The following KIAA0753 variants were observed in gnomAD, a reference collection of about 807,000 sequenced individuals.
KIAA0753 encodes protein moonraker.
KIAA0753 carries 114 observed loss-of-function variants against 116.9 expected under a neutral mutation model. The ratio of observed to expected loss-of-function variants is 0.98; its 90% confidence interval spans 0.84 to 1.14. The LOEUF (loss-of-function observed/expected upper bound fraction) is 1.14, where lower values mean the gene tolerates loss of function less well. Ranked by LOEUF, KIAA0753 falls within the 50% of genes most tolerant of loss-of-function variation. KIAA0753 has a pLI of 0.00. For synonymous variants in KIAA0753, 405 were observed against 413.1 expected (o/e 0.98, Z 0.24); for missense variants, 1,156 against 1,172.4 (o/e 0.99, Z 0.20).
chr17:6,627,172 T>C (rs753182224), intron 3 of KIAA0753, among the ~76,000 whole-genome samples: 5 of 152,236 alleles, frequency 3.3e-5, no homozygotes, highest in Non-Finnish European at 7.3e-5. Context: ...TCCAAGTGAT[T>C]TGACGTTCCC....
At position 6,639,538 on chromosome 17, in the gene KIAA0753, C is replaced by G. The variant is rs143314738; in HGVS notation, c.-69+1099G>C. 3,136 of 152,950 alleles carry G rather than the reference C, an allele frequency of 0.021. 103 individuals are homozygous for G. The highest frequency in any genetic ancestry group is 0.07 in the African/African-American group (2,914 of 41,526). 9.5% of individuals were successfully genotyped at this position (152,950 alleles called of 1,614,324 possible). A position where few individuals can be genotyped will look rare whatever the true frequency, so the allele number is the denominator to read the frequency against. On this transcript the variant is annotated intron_variant, in intron 1 of 18. Coordinates refer to ENST00000361413, the MANE Select transcript of KIAA0753 (RefSeq NM_014804.3). The surrounding 1 kb of genome is among the most constrained non-coding windows in gnomAD (Gnocchi z 4.3). ...CCCAGGCACACTCGCAGGAGGCACC[C>G]TCCCAGCCTGTCCCTGTCCACAGAA...
intron 16 of KIAA0753, among the ~76,000 whole-genome samples, chr17:6,591,040 G>GGAAGAAGGAAGAA (rs1567540520): frequency 8.0e-5 from 8 of 99,990 alleles, no homozygotes; most frequent in Non-Finnish European, 1.7e-4. Context: ...GAAGGAAGAA[G>GGAAGAAGGAAGAA]GAAGAAGAAG....
chr17:6,623,649 TCTC>T (rs1381070388), intron 4 of KIAA0753, 78 bp from the exon 5 acceptor site: 6 of 1,514,054 alleles, frequency 4.0e-6, no homozygotes, highest in Non-Finnish European at 5.3e-6. Context: ...CATCGATATA[TCTC>T]CTCTTGTCCA....
chr17:6,609,778 T>A (rs888177240), intron 9 of KIAA0753, among the ~76,000 whole-genome samples: 1 of 152,200 alleles, frequency 6.6e-6, no homozygotes, highest in East Asian at 1.9e-4. Flanking sequence ...GGGTGGCCCA[T>A]GGAAGGGTGT....
intron 9 of KIAA0753, among the ~76,000 whole-genome samples, chr17:6,609,446 T>C (rs150800612): frequency 7.0e-6 from 1 of 142,698 alleles, no homozygotes; most frequent in African/African-American, 2.5e-5. Flanking sequence ...CTCATTCTAA[T>C]GTGCTATGAG....
At chr17:6,623,595 A>G in intron 4 of KIAA0753, 24 bp from the exon 5 acceptor site, 1 of 1,602,092 alleles carries the variant, frequency 6.2e-7, no homozygotes, top group Non-Finnish European at 8.5e-7. Context: ...GGGAAAAAAG[A>G]AAACTTCATA....
At chr17:6,584,033 G>A (rs1013233616) in intron 18 of KIAA0753, among the ~76,000 whole-genome samples, 2 of 152,192 alleles carry the variant, frequency 1.3e-5, no homozygotes, top group South Asian at 2.1e-4. Flanking sequence ...GGAGCTGAGT[G>A]GAGTCCCTGA....
intron 18 of KIAA0753, among the ~76,000 whole-genome samples, chr17:6,580,610 C>T (rs1242952577): frequency 6.6e-6 from 1 of 152,132 alleles, no homozygotes; most frequent in African/African-American, 2.4e-5. Context: ...GCCACTGTGC[C>T]CGGCCAAGAT....
intron 6 of KIAA0753, 86 bp downstream of exon 6, chr17:6,622,796 T>C (rs1226607407): frequency 1.7e-6 from 2 of 1,146,736 alleles, no homozygotes; most frequent in East Asian, 2.4e-5. Flanking sequence ...CTTTGTCTTG[T>C]ATTCTCCATA....
chr17:6,631,778 T>C (rs72835765), intron 2 of KIAA0753, among the ~76,000 whole-genome samples: 21,788 of 152,180 alleles, frequency 0.14, 1,773 homozygotes, highest in African/African-American at 0.2. Context: ...CAGCCCCAGA[T>C]AGTGATTTTT....
intron 14 of KIAA0753, among the ~76,000 whole-genome samples, chr17:6,597,460 TGATACAGA>T (rs1234818458): frequency 2.6e-5 from 4 of 152,092 alleles, no homozygotes; most frequent in African/African-American, 9.7e-5. Flanking sequence ...CTCAATGCAA[TGATACAGA>T]AAGAGCACAA....
intron 2 of KIAA0753, among the ~76,000 whole-genome samples, chr17:6,633,025 G>C (rs184115684): frequency 6.6e-6 from 1 of 152,224 alleles, no homozygotes; most frequent in East Asian, 1.9e-4. Flanking sequence ...CAGATTACAT[G>C]ATGGTATCGA....
chr17:6,580,858 C>G (rs1029339531), intron 18 of KIAA0753, among the ~76,000 whole-genome samples: 6 of 150,486 alleles, frequency 4.0e-5, no homozygotes, highest in African/African-American at 1.5e-4. Context: ...CTGTAGGAGA[C>G]GGGGGAGGAC....
intron 14 of KIAA0753, 86 bp downstream of exon 14, chr17:6,599,151 G>T: frequency 1.1e-6 from 1 of 933,548 alleles, no homozygotes; most frequent in Non-Finnish European, 1.7e-6. Flanking sequence ...TCTAGTGTTT[G>T]CAAAGTAATC....
At chr17:6,595,105 A>G in intron 15 of KIAA0753, 52 bp from the exon 16 acceptor site, 1 of 1,241,068 alleles carries the variant, frequency 8.1e-7, no homozygotes, top group Non-Finnish European at 1.2e-6. Flanking sequence ...GAGTTTAATT[A>G]CAAACCAGAA....
chr17:6,613,152 A>G (rs1433040296), intron 7 of KIAA0753, among the ~76,000 whole-genome samples: 1 of 152,226 alleles, frequency 6.6e-6, no homozygotes, highest in African/African-American at 2.4e-5. Flanking sequence ...CCATATATCA[A>G]AATAACTAAT....
chr17:6,635,770 T>A (rs1972286330), intron 1 of KIAA0753: 1 of 150,726 alleles, frequency 6.6e-6, no homozygotes, highest in Non-Finnish European at 1.5e-5. Context: ...ATGAAAGCAC[T>A]CGGTAAGCTA....
chr17:6,624,970 A>G lies in KIAA0753; in HGVS notation c.719-109T>C, dbSNP rs146192748. The G allele has an allele frequency of 5.3e-6, 4 of 756,668 alleles. No homozygotes were observed. In the African/African-American group the frequency reaches 5.3e-5, roughly 10 times the overall value. The allele number at this position is 756,668 out of a possible 1,614,324, so 46.9% of individuals were successfully genotyped here. ...AATAAAGTTGAAGATCTCTGGTTTT[A>G]TTAAGAAAAAAATGAGGCTATCATA... On this transcript the variant is annotated intron_variant, in intron 3 of 18. Coordinates refer to ENST00000361413, the MANE Select transcript of KIAA0753 (RefSeq NM_014804.3).
intron 12 of KIAA0753, among the ~76,000 whole-genome samples, chr17:6,604,568 A>G (rs1970074477): frequency 6.6e-6 from 1 of 152,256 alleles, no homozygotes; most frequent in Admixed American, 6.5e-5. Flanking sequence ...TCCACTTATA[A>G]TAACACTCTT....
Sources: gnomAD v4.1 joint callset for allele counts (sites outside exome capture counted in the v4.1 genomes callset) on GRCh38, gnomAD v4.1.1 for gene constraint, Gnocchi (gnomAD v3.1) non-coding constraint, MANE v1.5 for transcripts, NCBI Gene and HGNC (gene_info 2026-07-23, HGNC 2026-07-21) for gene names.